AGBL4: variants seen among roughly 807,000 people sequenced by gnomAD.
AGBL4 encodes cytosolic carboxypeptidase 6.
A neutral mutation model predicts 66.4 loss-of-function variants in AGBL4; 58 were observed. The ratio of observed to expected loss-of-function variants is 0.87; its 90% CI spans 0.71 to 1.09. AGBL4 has a LOEUF of 1.09. Among genes scored for constraint, AGBL4 ranks in the 50% least tolerant of loss-of-function variants. The pLI is 0.00. For synonymous variants in AGBL4, 234 were observed against 222.9 expected (o/e 1.05, Z -0.44); for missense variants, 579 against 631.0 (o/e 0.92, Z 0.88).
intron 1 of AGBL4, among the ~76,000 whole-genome samples, chr1:49,872,887 T>A (rs1204500528): frequency 6.6e-6 from 1 of 152,018 alleles, no homozygotes; most frequent in Admixed American, 6.6e-5. Flanking sequence ...TTGCCTAATG[T>A]TTTTCAATTT....
intron 3 of AGBL4, among the ~76,000 whole-genome samples, chr1:49,654,005 C>A (rs1393262406): frequency 1.3e-5 from 2 of 151,924 alleles, no homozygotes; most frequent in African/African-American, 2.4e-5. Context: ...GAAGACCAAC[C>A]CCAAGACACA....
At chr1:49,666,270 A>C (rs1424774251) in intron 3 of AGBL4, among the ~76,000 whole-genome samples, 1 of 152,200 alleles carries the variant, frequency 6.6e-6, no homozygotes, top group African/African-American at 2.4e-5. Context: ...TATTTAGTTT[A>C]AATGGCTTTA....
At chr1:49,510,660 T>C (rs1176209313) in intron 3 of AGBL4, among the ~76,000 whole-genome samples, 3 of 150,352 alleles carry the variant, frequency 2.0e-5, no homozygotes, top group African/African-American at 4.9e-5. Flanking sequence ...TCCTTGCCCA[T>C]GCCTATGTCC....
chr1:48,829,468 C>A (rs894402057), intron 6 of AGBL4, among the ~76,000 whole-genome samples: 13 of 152,156 alleles, frequency 8.5e-5, no homozygotes, highest in Non-Finnish European at 1.9e-4. Flanking sequence ...CATCATATAT[C>A]CCCCCATTAC....
intron 1 of AGBL4, among the ~76,000 whole-genome samples, chr1:49,891,861 A>G (rs188204947): frequency 6.6e-6 from 1 of 152,348 alleles, no homozygotes; most frequent in Admixed American, 6.5e-5. Flanking sequence ...AGAATTGAGT[A>G]TTCACTTAAC....
intron 3 of AGBL4, among the ~76,000 whole-genome samples, chr1:49,415,175 T>C (rs1645400961): frequency 6.6e-6 from 1 of 152,142 alleles, no homozygotes; most frequent in Non-Finnish European, 1.5e-5. Context: ...ACATGTTACA[T>C]TATGTCAAAA....
intron 1 of AGBL4, among the ~76,000 whole-genome samples, chr1:49,871,244 T>A (rs190002473): frequency 4.5e-3 from 688 of 152,062 alleles, no homozygotes; most frequent in Middle Eastern, 0.01. Flanking sequence ...TATTTAAAAA[T>A]TTATAAAAAT....
chr1:48,995,718 A>G (rs539516728), intron 5 of AGBL4, among the ~76,000 whole-genome samples: 2 of 152,322 alleles, frequency 1.3e-5, no homozygotes, highest in Admixed American at 1.3e-4. Context: ...TGAGCTTGCC[A>G]TCTTTGGGTG....
In AGBL4 at chr1:49,215,555, T is replaced by C. The variant is rs374042316; in HGVS notation, c.377+30215A>G. Among the ~76,000 whole-genome samples the C allele has an allele frequency of 1.5e-3, 221 of 152,234 alleles. 2 individuals are homozygous for C. Among genetic ancestry groups the C allele is most frequent in the South Asian group, 9.5e-3 (46 of 4,826 alleles). ...ACTTCTGTTTTTTCTCAAGAGTTCA[T>C]GATGTTTCTGATCTTCCTTGCTAGC... On this transcript the variant is annotated intron_variant, in intron 4 of 13. Transcript: ENST00000371839.
chr1:49,813,532 C>A (rs1279409131), intron 2 of AGBL4, among the ~76,000 whole-genome samples: 1 of 152,114 alleles, frequency 6.6e-6, no homozygotes, highest in Non-Finnish European at 1.5e-5. Flanking sequence ...CTCTATAATA[C>A]CCTATACAGA....
intron 4 of AGBL4, among the ~76,000 whole-genome samples, chr1:49,130,326 C>G (rs1645863058): frequency 6.6e-6 from 1 of 152,274 alleles, no homozygotes; most frequent in Admixed American, 6.5e-5. Context: ...AATTAGATCC[C>G]ATTTGTCAAT....
intron 5 of AGBL4, among the ~76,000 whole-genome samples, chr1:48,881,448 ACTCTCAGGGGATAAC>A (rs1353418507): frequency 1.3e-5 from 2 of 151,970 alleles, no homozygotes; most frequent in Admixed American, 1.3e-4. Flanking sequence ...TGCATTTTAA[ACTCTCAGGGGATAAC>A]CACCTCTTTT....
At chr1:49,543,811 A>T (rs1476522378) in intron 3 of AGBL4, among the ~76,000 whole-genome samples, 1 of 152,150 alleles carries the variant, frequency 6.6e-6, no homozygotes, top group African/African-American at 2.4e-5. Context: ...GCTTTGGGAT[A>T]TGCACTGTGA....
chr1:49,402,643 C>T (rs1390112816), intron 3 of AGBL4, among the ~76,000 whole-genome samples: 1 of 151,290 alleles, frequency 6.6e-6, no homozygotes, highest in Admixed American at 6.6e-5. Flanking sequence ...TCTCCACTCA[C>T]TGTAATCTCT....
At chr1:49,325,493 C>T (rs1464709119) in intron 3 of AGBL4, among the ~76,000 whole-genome samples, 3 of 152,206 alleles carry the variant, frequency 2.0e-5, no homozygotes. Context: ...GCCATTATTA[C>T]CACTGTTGTT....
chr1:49,962,677 T>C (rs1430578564), intron 1 of AGBL4, among the ~76,000 whole-genome samples: 4 of 152,182 alleles, frequency 2.6e-5, no homozygotes, highest in Non-Finnish European at 5.9e-5. Context: ...AGTTTTTGCC[T>C]CATGAAATTC....
At chr1:49,739,432 G>C (rs2124741598) in intron 2 of AGBL4, among the ~76,000 whole-genome samples, 1 of 152,308 alleles carries the variant, frequency 6.6e-6, no homozygotes, top group Non-Finnish European at 1.5e-5. Context: ...CGTCTGATTG[G>C]TGTACCTGAA....
chr1:49,718,946 T>C (rs1648380605), intron 2 of AGBL4, among the ~76,000 whole-genome samples: 1 of 152,122 alleles, frequency 6.6e-6, no homozygotes, highest in Admixed American at 6.6e-5. Flanking sequence ...AAGAGTCTTA[T>C]CTGAAAACTA....
intron 3 of AGBL4, among the ~76,000 whole-genome samples, chr1:49,275,611 C>T (rs1329875385): frequency 6.6e-6 from 1 of 152,040 alleles, no homozygotes; most frequent in African/African-American, 2.4e-5. Context: ...AAAATGGGAA[C>T]TAGAGAGAGA....
Sources: allele counts gnomAD v4.1 joint callset (sites outside exome capture counted in the v4.1 genomes callset), GRCh38; gene constraint gnomAD v4.1.1; transcripts MANE v1.5; gene names NCBI Gene and HGNC (gene_info 2026-07-23, HGNC 2026-07-21).